CYP4V2: variants seen among roughly 807,000 people sequenced by gnomAD.
CYP4V2 encodes cytochrome P450 family 4 subfamily V member 2, also known as cytochrome P450 4V2.
A neutral mutation model predicts 60.8 loss-of-function variants in CYP4V2; 55 were observed. The observed-to-expected ratio is 0.90, with a 90% CI of 0.73 to 1.13. The LOEUF is 1.13. Among genes scored for constraint, CYP4V2 ranks in the 50% most tolerant of loss-of-function variants. The pLI is 0.00. For synonymous variants in CYP4V2, 239 were observed against 236.8 expected (o/e 1.01, Z -0.08); for missense variants, 675 against 662.9 (o/e 1.02, Z -0.20).
Position 186,191,816 on chromosome 4 carries a change from C to CCGGGGCGATGG in CYP4V2, c.-1_10dup. On this transcript the variant is annotated 5_prime_UTR_variant, in exon 1 of 11. It adds an upstream start codon to the 5' untranslated region. Coordinates refer to ENST00000378802, the MANE Select transcript of CYP4V2 (RefSeq NM_207352.4). ...CCGGAGTGCACCCCGCGGCCGCCAG[C>CCGGGGCGATGG]CGGGGCGATGGCGGGGCTCTGGCTG... 1 of 1,545,624 alleles carries CCGGGGCGATGG rather than the reference C, an allele frequency of 6.5e-7. No homozygotes were observed. The highest frequency in any genetic ancestry group is 8.7e-7 in the Non-Finnish European group (1 of 1,152,636).
rs192122143 is a variant in CYP4V2, at chr4:186,210,816, A to G, written c.*175A>G. 4.6e-4 allele frequency: 356 copies of G among 771,358 alleles called. 1 individual carries two copies. In the African/African-American group the frequency reaches 5.8e-3, roughly 13 times the overall value. 47.8% of individuals were successfully genotyped at this position (771,358 alleles called of 1,614,324 possible). On this transcript the variant is annotated 3_prime_UTR_variant, in exon 11 of 11. Coordinates refer to ENST00000378802, the MANE Select transcript of CYP4V2 (RefSeq NM_207352.4). ...ACAAAGAAAAAGTTTTGAGTTTTGT[A>G]TTTTCTTTTTTCTTTTTTCTTTATT...
intron 10 of CYP4V2, among the ~76,000 whole-genome samples, chr4:186,209,508 C>T (rs568646895): frequency 6.6e-6 from 1 of 152,288 alleles, no homozygotes; most frequent in African/African-American, 2.4e-5. Context: ...GACTGGGTGG[C>T]TTAAACAGCA....
Position 186,194,262 on chromosome 4 carries a change from C to G in CYP4V2, c.215-238C>G, listed in dbSNP as rs72646243. On this transcript the variant is annotated intron_variant, in intron 1 of 10. Coordinates refer to ENST00000378802, the MANE Select transcript of CYP4V2 (RefSeq NM_207352.4). ...CCTAATAATTATTATTCTCTAATAG[C>G]TAACATGCATTATGTGTGTTTATTT... Among the ~76,000 whole-genome samples, 3,152 of 152,252 alleles carry G rather than the reference C, an allele frequency of 0.021. 105 individuals are homozygous for G. Among genetic ancestry groups the G allele is most frequent in the African/African-American group, 0.073 (3,024 of 41,524 alleles).
At chr4:186,208,730 T>G in intron 8 of CYP4V2, 135 bp from the exon 9 acceptor site, 1 of 1,257,436 alleles carries the variant, frequency 8.0e-7, no homozygotes, top group Non-Finnish European at 1.2e-6. Flanking sequence ...CCTGCCTTGA[T>G]CCACGTGTTC....
chr4:186,212,386 G>A lies in CYP4V2; in HGVS notation c.*1745G>A, dbSNP rs572301903. 4 of 152,278 alleles carry A rather than the reference G, an allele frequency of 2.6e-5. No individual in the cohort carries two copies. Among genetic ancestry groups the A allele is most frequent in the African/African-American group, 9.6e-5 (4 of 41,562 alleles). The allele number at this position is 152,278 out of a possible 1,614,324, so 9.4% of individuals were successfully genotyped here. A position where few individuals can be genotyped will look rare whatever the true frequency, so the allele number is the denominator to read the frequency against. On this transcript the variant is annotated 3_prime_UTR_variant, in exon 11 of 11. Transcript: ENST00000378802. ...GATCTTTAGTTAATTCAACCTTATAGATCATACTTATGAAGGTGATAACTG... is the reference window on the plus strand; with the variant it reads ...GATCTTTAGTTAATTCAACCTTATAAATCATACTTATGAAGGTGATAACTG...
At chr4:186,199,345 A>G (rs1272837288) in intron 6 of CYP4V2, among the ~76,000 whole-genome samples, 1 of 152,250 alleles carries the variant, frequency 6.6e-6, no homozygotes, top group Non-Finnish European at 1.5e-5. Flanking sequence ...AAAAAATTAT[A>G]CTTAAGTATA....
rs72646276 is a variant in CYP4V2 at position 186,201,186 on chromosome 4, C to G, written c.831C>G (p.Asn277Lys). The G allele has an allele frequency of 3.1e-6, 5 of 1,614,102 alleles. No individual in the cohort carries two copies. The highest frequency in any genetic ancestry group is 4.2e-6 in the Non-Finnish European group (5 of 1,180,010). The change falls in exon 7 of 11, where the codon AAC becomes AAG. Residue 277 changes from asparagine to lysine, a missense_variant. By Grantham distance (94) the Asn-to-Lys change is moderately conservative (BLOSUM62 0). Transcript: ENST00000378802. Reference protein sequence around the residue: ...SVIAERANEMNANEDCRGDGR... With the variant: ...SVIAERANEMKANEDCRGDGR... ...TCGCTGAACGGGCCAATGAAATGAA[C>G]GCCAATGAAGACTGTAGAGGTGATG...
intron 4 of CYP4V2, 25 bp downstream of exon 4, chr4:186,197,155 A>C: frequency 6.2e-7 from 1 of 1,612,172 alleles, no homozygotes; most frequent in Admixed American, 1.7e-5. Context: ...TCTGTTTCTA[A>C]ATTTATGGCA....
At chr4:186,196,236 G>A (rs774627141) in intron 3 of CYP4V2, 148 bp downstream of exon 3, 1 of 752,276 alleles carries the variant, frequency 1.3e-6, no homozygotes, top group African/African-American at 1.7e-5. Flanking sequence ...GGAAGGTCCA[G>A]CTGGCAGCTG....
rs766523003 is a variant in CYP4V2 at position 186,210,649 on chromosome 4, A to G, written c.*8A>G. 6.2e-7 allele frequency: 1 copy of G among 1,613,988 alleles called. No individual in the cohort carries two copies. Among genetic ancestry groups the G allele is most frequent in the Admixed American group, 1.7e-5 (1 of 60,012 alleles). On this transcript the variant is annotated 3_prime_UTR_variant, in exon 11 of 11. Coordinates refer to ENST00000378802, the MANE Select transcript of CYP4V2 (RefSeq NM_207352.4). ...AATGCAGATGAACGCTAACTATATT[A>G]TTGGGTTGTGCCTTTATCATGAGAA...
intron 3 of CYP4V2, chr4:186,196,695 A>AT: frequency 2.2e-6 from 1 of 462,682 alleles, no homozygotes; most frequent in Non-Finnish European, 3.8e-6. Flanking sequence ...TATGAATGCT[A>AT]TTTTAAACAT....
At chr4:186,200,068 A>G (rs892856828) in intron 6 of CYP4V2, among the ~76,000 whole-genome samples, 1 of 133,894 alleles carries the variant, frequency 7.5e-6, no homozygotes, top group African/African-American at 2.8e-5. Context: ...TTTCATAATT[A>G]TATTTTTCCT....
chr4:186,199,079 A>G lies in CYP4V2; in HGVS notation c.797A>G (p.Asn266Ser). 6.2e-7 allele frequency: 1 copy of G among 1,613,494 alleles called. No individual in the cohort carries two copies. ...KSLQILHTFT[N>S]SVIAERANEM... ...CTTCAGATCCTACATACTTTTACCAACAGTGTAAGTCCCTGACTTTTACAA... is the reference window on the plus strand; with the variant it reads ...CTTCAGATCCTACATACTTTTACCAGCAGTGTAAGTCCCTGACTTTTACAA... Residue 266 changes from asparagine to serine, a missense_variant, in exon 6 of 11, where the codon AAC becomes AGC. Coordinates refer to ENST00000378802, the MANE Select transcript of CYP4V2 (RefSeq NM_207352.4).
rs1735988676 is a variant in CYP4V2, at chr4:186,191,787, T to C, written c.-37T>C. 1 of 1,470,912 alleles carries C rather than the reference T, an allele frequency of 6.8e-7. No individual in the cohort carries two copies. The highest frequency in any genetic ancestry group is 2.3e-5 in the Admixed American group (1 of 43,184). The allele number at this position is 1,470,912 out of a possible 1,614,324, so 91.1% of individuals were successfully genotyped here. ...GCACCACGCCCCCGCGGGCCCGCAC[T>C]TTCCCGGAGTGCACCCCGCGGCCGC... On this transcript the variant is annotated 5_prime_UTR_variant, in exon 1 of 11. Coordinates refer to ENST00000378802, the MANE Select transcript of CYP4V2 (RefSeq NM_207352.4).
intron 8 of CYP4V2, among the ~76,000 whole-genome samples, chr4:186,208,376 A>G (rs1462356880): frequency 6.6e-6 from 1 of 150,552 alleles, no homozygotes; most frequent in Non-Finnish European, 1.5e-5. Context: ...TTTGATGGGT[A>G]TTTAGCATCC....
At chr4:186,204,269 A>G (rs1736415205) in intron 7 of CYP4V2, 1 of 158,194 alleles carries the variant, frequency 6.3e-6, no homozygotes, top group East Asian at 1.9e-4. Context: ...CGCTGGCGTA[A>G]GACGCGGCGG....
intron 1 of CYP4V2, among the ~76,000 whole-genome samples, chr4:186,193,294 G>A (rs1736044676): frequency 6.6e-6 from 1 of 152,102 alleles, no homozygotes; most frequent in Non-Finnish European, 1.5e-5. Flanking sequence ...ATACTGTTTT[G>A]GGGATTCCAG....
In CYP4V2 at chr4:186,191,702, C is replaced by A; in HGVS notation, c.-122C>A. ...TCGTTCCGGGGACCGGGCGACCCCG[C>A]AGCGGGGAGCGCGCCAGGTCCGCGC... On this transcript the variant is annotated 5_prime_UTR_variant, in exon 1 of 11. Coordinates refer to ENST00000378802, the MANE Select transcript of CYP4V2 (RefSeq NM_207352.4). 1 of 971,474 alleles carries A rather than the reference C, an allele frequency of 1.0e-6. No individual in the cohort carries two copies. The highest frequency in any genetic ancestry group is 1.3e-6 in the Non-Finnish European group (1 of 752,588). 60.2% of individuals were successfully genotyped at this position (971,474 alleles called of 1,614,324 possible).
In CYP4V2 at chr4:186,210,799, A is replaced by C; in HGVS notation, c.*158A>C. Reference sequence around the variant, plus strand: ...TCTTGACATCAAGTCTAACAAAGAAAAAGTTTTGAGTTTTGTATTTTCTTT... The same window carrying C: ...TCTTGACATCAAGTCTAACAAAGAACAAGTTTTGAGTTTTGTATTTTCTTT... On this transcript the variant is annotated 3_prime_UTR_variant, in exon 11 of 11. Coordinates refer to ENST00000378802, the MANE Select transcript of CYP4V2 (RefSeq NM_207352.4). The C allele has an allele frequency of 1.1e-6, 1 of 879,010 alleles. No individual in the cohort carries two copies. The highest frequency in any genetic ancestry group is 1.7e-6 in the Non-Finnish European group (1 of 580,770). The allele number at this position is 879,010 out of a possible 1,614,324, so 54.5% of individuals were successfully genotyped here. A position where few individuals can be genotyped will look rare whatever the true frequency, so the allele number is the denominator to read the frequency against.
Sources: allele counts gnomAD v4.1 joint callset (sites outside exome capture counted in the v4.1 genomes callset), GRCh38; gene constraint gnomAD v4.1.1; transcripts MANE v1.5; gene names NCBI Gene and HGNC (gene_info 2026-07-23, HGNC 2026-07-21).